The following CC2D2A variants were observed in gnomAD, a reference collection of about 807,000 sequenced individuals.
The protein encoded by CC2D2A is coiled-coil and C2 domain containing 2A, also known as coiled-coil and C2 domain-containing protein 2A.
In CC2D2A, 155 loss-of-function variants were observed where a neutral mutation model predicts 212.9. That is an observed-to-expected ratio of 0.73 (90% confidence interval 0.64 to 0.83). CC2D2A has a LOEUF of 0.83. CC2D2A is among the 40% of genes least tolerant of loss of function. CC2D2A has a pLI of 0.00. For synonymous variants in CC2D2A, 667 were observed against 686.5 expected (o/e 0.97, Z 0.44); for missense variants, 1,856 against 1,956.2 (o/e 0.95, Z 0.97).
intron 26 of CC2D2A, among the ~76,000 whole-genome samples, chr4:15,568,930 AG>A (rs1226469723): frequency 6.6e-6 from 1 of 152,146 alleles, no homozygotes; most frequent in Non-Finnish European, 1.5e-5. Context: ...CCATTTGCTT[AG>A]GAAGTCCATA....
At position 15,599,851 on chromosome 4, in the gene CC2D2A, A is replaced by G. The variant is rs555242782; in HGVS notation, c.4674+145A>G. On this transcript the variant is annotated intron_variant, in intron 36 of 36. Transcript: ENST00000424120. ...GCAGCATAAACTAAAAACTGTGATC[A>G]TAAGTTTTAAACCTCAATAATCATG... 1.8e-4 allele frequency: 98 copies of G among 530,180 alleles called. 1 individual carries two copies. The highest frequency in any genetic ancestry group is 1.5e-4 in the Non-Finnish European group (47 of 315,588). The allele number at this position is 530,180 out of a possible 1,614,324, so 32.8% of individuals were successfully genotyped here.
chr4:15,565,421 C>T (rs1172691679), intron 24 of CC2D2A, among the ~76,000 whole-genome samples: 1 of 150,006 alleles, frequency 6.7e-6, no homozygotes, highest in Non-Finnish European at 1.5e-5. Flanking sequence ...TTTTGCCTCC[C>T]TCACTGTTCT....
At chr4:15,599,178 A>G (rs1343790445) in intron 35 of CC2D2A, among the ~76,000 whole-genome samples, 4 of 152,136 alleles carry the variant, frequency 2.6e-5, no homozygotes, top group Non-Finnish European at 1.5e-5. Context: ...AATTAGTAAT[A>G]ATAAACTTTT....
intron 4 of CC2D2A, among the ~76,000 whole-genome samples, chr4:15,495,071 C>G (rs1047272686): frequency 2.0e-5 from 3 of 152,136 alleles, no homozygotes; most frequent in East Asian, 1.9e-4. Context: ...TCACCTGCCT[C>G]CCACCCTCCA....
rs746926711 is a variant in CC2D2A at position 15,563,396 on chromosome 4, G to A, written c.3056G>A (p.Arg1019Gln). The part of the protein sequence containing the change: ...LSLFKLAEQK[R>Q]PLRPRRKGRK... The stretch of plus-strand genomic sequence containing the variant: ...CTTTTCAAGCTGGCAGAACAAAAGC[G>A]ACCACTGCGGCCAAGGAGAAAAGGT... The change falls in exon 24 of 37, where the codon CGA becomes CAA. Residue 1019 changes from arginine (R) to glutamine (Q), a missense_variant. By Grantham distance (43) the Arg-to-Gln change is conservative. Around this residue, in one of 5 missense-constraint regions of CC2D2A, gnomAD observed 1,512 missense variants for 1,579.3 expected, o/e 0.96. Transcript: ENST00000424120. 4 of 1,607,406 alleles carry A rather than the reference G, an allele frequency of 2.5e-6. No individual in the cohort carries two copies. The highest frequency in any genetic ancestry group is 2.2e-5 in the East Asian group (1 of 44,648).
At chr4:15,565,484 A>C (rs1350359671) in intron 24 of CC2D2A, among the ~76,000 whole-genome samples, 2 of 151,282 alleles carry the variant, frequency 1.3e-5, no homozygotes, top group Non-Finnish European at 2.9e-5. Flanking sequence ...CTTTATTGAG[A>C]TGATTTGTTT....
At chr4:15,567,553 G>A (rs1014317629) in intron 25 of CC2D2A, 71 bp downstream of exon 25, 1 of 1,391,150 alleles carries the variant, frequency 7.2e-7, no homozygotes, top group Non-Finnish European at 1.0e-6. Flanking sequence ...AAACTTCATG[G>A]ATAGTCTGCT....
Position 15,536,932 on chromosome 4 carries a change from C to T in CC2D2A, c.1620C>T (p.Asp540=). 1 of 1,613,176 alleles carries T rather than the reference C, an allele frequency of 6.2e-7. No individual in the cohort carries two copies. Among genetic ancestry groups the T allele is most frequent in the Non-Finnish European group, 8.5e-7 (1 of 1,179,466 alleles). The part of the protein sequence containing the change: ...LKLVLRKEKA[D]QKADEEAYEA... ...AATTATTTTAAAGGGAAAAAGCTGA[C>T]CAGAAAGCAGATGAAGAAGCATATG... is the stretch of plus-strand genomic sequence containing the variant. Residue 540 remains aspartate (D), a synonymous_variant, in exon 15 of 37, where the codon GAC becomes GAT. Transcript: ENST00000424120.
At chr4:15,493,269 T>TTTACTTAC (rs3054512) in intron 4 of CC2D2A, among the ~76,000 whole-genome samples, 247 of 150,720 alleles carry the variant, frequency 1.6e-3, no homozygotes, top group African/African-American at 5.5e-3. Flanking sequence ...TATTTATTTA[T>TTTACTTAC]TTACTTACTT....
intron 11 of CC2D2A, among the ~76,000 whole-genome samples, chr4:15,517,390 G>A (rs899043754): frequency 6.6e-6 from 1 of 152,028 alleles, no homozygotes; most frequent in Non-Finnish European, 1.5e-5. Context: ...TTTGCTGCAG[G>A]ACCACTTCCC....
At chr4:15,574,555 C>A (rs1156538001) in intron 29 of CC2D2A, among the ~76,000 whole-genome samples, 2 of 152,150 alleles carry the variant, frequency 1.3e-5, no homozygotes, top group Non-Finnish European at 2.9e-5. Flanking sequence ...TTATATTTAT[C>A]TTGCTTTGCC....
intron 4 of CC2D2A, chr4:15,481,944 C>T (rs1479220099): frequency 2.0e-6 from 2 of 985,404 alleles, no homozygotes; most frequent in African/African-American, 1.7e-5. Context: ...ATATACTTCT[C>T]CCCCTACACA....
chr4:15,574,406 T>A, intron 29 of CC2D2A, 80 bp downstream of exon 29: 3 of 1,098,990 alleles, frequency 2.7e-6, no homozygotes, highest in Non-Finnish European at 3.8e-6. Flanking sequence ...TTTTATGAAC[T>A]TTTTCCTACA....
intron 11 of CC2D2A, among the ~76,000 whole-genome samples, chr4:15,518,349 G>C (rs1039999341): frequency 1.4e-4 from 22 of 152,228 alleles, no homozygotes; most frequent in Non-Finnish European, 2.6e-4. Flanking sequence ...CAAGAGTTAG[G>C]TTCCCATGGT....
chr4:15,562,818 C>A (rs1407427630), intron 23 of CC2D2A, among the ~76,000 whole-genome samples: 1 of 152,224 alleles, frequency 6.6e-6, no homozygotes, highest in African/African-American at 2.4e-5. Context: ...AAAGAGATAA[C>A]CCAGGAACTG....
chr4:15,568,807 G>A (rs1269214294), intron 26 of CC2D2A, among the ~76,000 whole-genome samples: 4 of 152,146 alleles, frequency 2.6e-5, no homozygotes, highest in African/African-American at 4.8e-5. Flanking sequence ...CCCCTGTATT[G>A]CTTTACTTAT....
At chr4:15,471,766 C>T (rs1713843878) in intron 1 of CC2D2A, among the ~76,000 whole-genome samples, 1 of 152,086 alleles carries the variant, frequency 6.6e-6, no homozygotes, top group African/African-American at 2.4e-5. Flanking sequence ...CCTATAAACC[C>T]ATGTTTTTGC....
rs749697758 is a variant in CC2D2A, at chr4:15,514,824, C to T, written c.835C>T (p.Leu279=). The change falls in exon 9 of 37, where the codon CTG becomes TTG. Residue 279 remains leucine (L), a synonymous_variant. Coordinates refer to ENST00000424120, the MANE Select transcript of CC2D2A (RefSeq NM_001378615.1). The part of the protein sequence containing the change: ...PADYESIHDR[L]QMEREMLFIP... Reference sequence around the variant, plus strand: ...AGATTATGAAAGCATCCATGATCGGCTGCAGATGGAAAGAGAAATGCTCTT... The same window carrying T: ...AGATTATGAAAGCATCCATGATCGGTTGCAGATGGAAAGAGAAATGCTCTT... 4 of 1,613,922 alleles carry T rather than the reference C, an allele frequency of 2.5e-6. No homozygotes were observed. Among genetic ancestry groups the T allele is most frequent in the Non-Finnish European group, 2.5e-6 (3 of 1,179,820 alleles).
intron 29 of CC2D2A, chr4:15,576,436 TAA>T: frequency 1.1e-6 from 1 of 941,856 alleles, no homozygotes; most frequent in Non-Finnish European, 1.3e-6. Context: ...TAGGATGTTT[TAA>T]ACATATTTAC....
Sources: allele counts gnomAD v4.1 joint callset (sites outside exome capture counted in the v4.1 genomes callset), GRCh38; gene constraint gnomAD v4.1.1; regional missense constraint gnomAD v4.1.1; transcripts MANE v1.5; gene names NCBI Gene and HGNC (gene_info 2026-07-23, HGNC 2026-07-21).